The following AIDA variants were observed in gnomAD, a reference collection of about 807,000 sequenced individuals.
AIDA encodes axin interactor, dorsalization associated, also known as axin interactor, dorsalization-associated protein.
A neutral mutation model predicts 42.7 loss-of-function variants in AIDA; 18 were observed. The observed-to-expected ratio is 0.42, with a 90% confidence interval of 0.29 to 0.63. AIDA has a LOEUF of 0.63. AIDA is among the 20% of genes least tolerant of loss of function. AIDA has a pLI of 0.19. For synonymous variants in AIDA, 104 were observed against 122.9 expected, an observed-to-expected ratio of 0.85 and a Z score of 1.02; for missense variants, 250 against 354.1, an observed-to-expected ratio of 0.71 and a Z score of 2.36.
chr1:222,688,687 C>T (rs1361562225), intron 4 of AIDA, among the ~76,000 whole-genome samples: 1 of 151,824 alleles, frequency 6.6e-6, no homozygotes, highest in Admixed American at 6.6e-5. Context: ...GCAACCTCTG[C>T]CTCTCAGGTT....
intron 6 of AIDA, among the ~76,000 whole-genome samples, chr1:222,678,799 C>T (rs890472353): frequency 2.9e-4 from 44 of 152,132 alleles, no homozygotes; most frequent in Admixed American, 2.9e-3. Context: ...TCTCTCCCTG[C>T]CTAGTCAACT....
At chr1:222,694,366 G>C in intron 2 of AIDA, 103 bp from the exon 3 acceptor site, 1 of 1,003,198 alleles carries the variant, frequency 1.0e-6, no homozygotes, top group Non-Finnish European at 1.5e-6. Flanking sequence ...ATTCTCTTAA[G>C]TAAGTTAAAT....
At chr1:222,707,923 T>C (rs1299614812) in intron 1 of AIDA, among the ~76,000 whole-genome samples, 1 of 152,244 alleles carries the variant, frequency 6.6e-6, no homozygotes, top group Non-Finnish European at 1.5e-5. Flanking sequence ...CTCAATTTCT[T>C]TCCTTATCTT....
intron 7 of AIDA, among the ~76,000 whole-genome samples, chr1:222,674,192 C>T (rs1332830602): frequency 6.6e-6 from 1 of 151,960 alleles, no homozygotes; most frequent in East Asian, 1.9e-4. Context: ...AACAGAAATT[C>T]CCATTTGGTG....
intron 4 of AIDA, 109 bp from the exon 5 acceptor site, chr1:222,687,767 A>G: frequency 1.2e-6 from 1 of 855,584 alleles, no homozygotes; most frequent in East Asian, 3.4e-5. Context: ...TAATATATAT[A>G]AATTCCCAGC....
chr1:222,702,204 G>A (rs1655727736), intron 2 of AIDA, among the ~76,000 whole-genome samples: 1 of 152,086 alleles, frequency 6.6e-6, no homozygotes, highest in Admixed American at 6.5e-5. Context: ...ATAAATAAGA[G>A]TCAAATGAAC....
chr1:222,694,732 T>C (rs891219923), intron 2 of AIDA, among the ~76,000 whole-genome samples: 8 of 152,228 alleles, frequency 5.3e-5, no homozygotes, highest in African/African-American at 1.7e-4. Flanking sequence ...TGATAAACGG[T>C]AGTAAATTTT....
At chr1:222,704,498 CAT>C (rs1222613490) in intron 1 of AIDA, among the ~76,000 whole-genome samples, 2 of 152,250 alleles carry the variant, frequency 1.3e-5, no homozygotes, top group African/African-American at 2.4e-5. Context: ...GTACTACTAA[CAT>C]GTGTAACACA....
At chr1:222,709,040 C>T (rs181347571) in intron 1 of AIDA, among the ~76,000 whole-genome samples, 2 of 152,310 alleles carry the variant, frequency 1.3e-5, no homozygotes, top group Admixed American at 1.3e-4. Flanking sequence ...ACAGACACCG[C>T]CCCAACACCC....
intron 1 of AIDA, 107 bp downstream of exon 1, chr1:222,712,101 C>A: frequency 6.6e-7 from 1 of 1,513,998 alleles, no homozygotes; most frequent in Non-Finnish European, 8.9e-7. Flanking sequence ...GGAGCCCCAC[C>A]CTGAGAAGCC....
chr1:222,696,250 C>T (rs1402566608), intron 2 of AIDA, among the ~76,000 whole-genome samples: 1 of 152,178 alleles, frequency 6.6e-6, no homozygotes, highest in African/African-American at 2.4e-5. Context: ...GCATAGAAAC[C>T]AGCAAATAGT....
rs140204716 is a variant in AIDA at position 222,686,957 on chromosome 1, G to C, written c.433C>G (p.Pro145Ala). The C allele has an allele frequency of 1.2e-6, 2 of 1,613,754 alleles. No individual in the cohort carries two copies. Among genetic ancestry groups the C allele is most frequent in the South Asian group, 1.1e-5 (1 of 91,046 alleles). Residue 145 changes from proline (P) to alanine (A), a missense_variant, in exon 6 of 10, where the codon CCT (proline) becomes GCT (alanine). By Grantham distance (27) the Pro-to-Ala change is conservative (BLOSUM62 -1). Transcript: ENST00000340020. ...GGAACTCTAGCAGGAAAAGAATCAG[G>C]AGACCCTGCTCCAGCACCACCCTCT... is the stretch of plus-strand genomic sequence containing the variant. ...EEEGGAGAGS[P>A]DSFPARVPGT... is the part of the protein sequence containing the mutation.
At chr1:222,678,107 CAGGGAACTGCCAT>C (rs1456925876) in intron 6 of AIDA, among the ~76,000 whole-genome samples, 4 of 151,882 alleles carry the variant, frequency 2.6e-5, no homozygotes, top group African/African-American at 9.7e-5. Context: ...GTCTCAGCAA[CAGGGAACTGCCAT>C]ATAAGGCATC....
chr1:222,703,966 G>A (rs1655777121), intron 1 of AIDA, among the ~76,000 whole-genome samples: 1 of 152,102 alleles, frequency 6.6e-6, no homozygotes, highest in Non-Finnish European at 1.5e-5. Flanking sequence ...ACTATAAAAA[G>A]ACCAATTTTG....
chr1:222,686,876 A>T, intron 6 of AIDA, 54 bp downstream of exon 6: 1 of 1,564,564 alleles, frequency 6.4e-7, no homozygotes, highest in Middle Eastern at 2.2e-4. Flanking sequence ...AGTTTCAAAC[A>T]CCCTGACTCT....
At chr1:222,678,203 GTGT>G (rs1558208197) in intron 6 of AIDA, among the ~76,000 whole-genome samples, 869 of 15,322 alleles carry the variant, frequency 0.057, 4 homozygotes, top group African/African-American at 0.11. Flanking sequence ...ATCTTGGGGT[GTGT>G]GTGTGTGTGT....
Position 222,669,767 on chromosome 1 carries a change from G to A in AIDA, c.*126C>T, listed in dbSNP as rs868339267. ...GTGGTACAGCTTTGCATTGGACTCC[G>A]TCCGGCCTACTGGTCTGGGTACGGC... On this transcript the variant is annotated 3_prime_UTR_variant, in exon 10 of 10. Transcript: ENST00000340020. 123 of 923,602 alleles carry A rather than the reference G, an allele frequency of 1.3e-4. No individual in the cohort carries two copies. The African/African-American group carries it at 1.9e-3, about 14-fold the overall frequency. The allele number at this position is 923,602 out of a possible 1,614,324, so 57.2% of individuals were successfully genotyped here.
intron 4 of AIDA, among the ~76,000 whole-genome samples, chr1:222,692,330 C>G (rs1655395486): frequency 6.6e-6 from 1 of 152,050 alleles, no homozygotes; most frequent in Admixed American, 6.6e-5. Context: ...GGGGATGTAC[C>G]CTACTAGTAA....
chr1:222,688,024 C>T (rs1471997995), intron 4 of AIDA, among the ~76,000 whole-genome samples: 1 of 151,904 alleles, frequency 6.6e-6, no homozygotes, highest in Non-Finnish European at 1.5e-5. Context: ...AGATTTGAGC[C>T]TGGGCAACAC....
Sources: gnomAD v4.1 joint callset for allele counts (sites outside exome capture counted in the v4.1 genomes callset) on GRCh38, gnomAD v4.1.1 for gene constraint, MANE v1.5 for transcripts, NCBI Gene and HGNC (gene_info 2026-07-23, HGNC 2026-07-21) for gene names.